CNRIP1: variants seen among roughly 807,000 people sequenced by gnomAD.
CNRIP1 encodes the protein CB1 cannabinoid receptor-interacting protein 1.
In CNRIP1, 10 loss-of-function variants were observed where a neutral mutation model predicts 15.2. That is an observed-to-expected ratio of 0.66 (90% CI 0.41 to 1.12). The LOEUF (loss-of-function observed/expected upper bound fraction) is 1.12. Among genes scored for constraint, CNRIP1 ranks in the 50% most tolerant of loss-of-function variants. The pLI is 0.00. For missense variants in CNRIP1, 211 were observed against 214.7 expected, an observed-to-expected ratio of 0.98 and a Z score of 0.11; for synonymous variants, 91 against 83.2, an observed-to-expected ratio of 1.09 and a Z score of -0.51.
chr2:68,291,814 G>C (rs776313012), downstream of CNRIP1, among the ~76,000 whole-genome samples: 1 of 150,630 alleles, frequency 6.6e-6, no homozygotes, highest in African/African-American at 2.5e-5. Context: ...GGGAGGTGGA[G>C]GTTGCAGTGA....
At position 68,303,110 on chromosome 2, in the gene CNRIP1, T is replaced by C. The variant is rs1387270598; in HGVS notation, c.331-9084A>G. Among the ~76,000 whole-genome samples the C allele has an allele frequency of 2.6e-5, 4 of 152,218 alleles. No homozygotes were observed. The East Asian group carries it at 7.7e-4, about 29-fold the overall frequency. On this transcript the variant is annotated intron_variant, in intron 2 of 2. Coordinates refer to ENST00000263655, the MANE Select transcript of CNRIP1 (RefSeq NM_015463.3). ...GATCCACCCGCCTTGGCCCCCAAAG[T>C]GCTGGGATTACAGGCGTGAGTCACC...
At chr2:68,318,012 TA>T (rs78781299) in intron 1 of CNRIP1, among the ~76,000 whole-genome samples, 5,973 of 134,956 alleles carry the variant, frequency 0.044, 346 homozygotes, top group African/African-American at 0.14. Flanking sequence ...AGGAATACTC[TA>T]AAAAAAAAAA....
intron 2 of CNRIP1, among the ~76,000 whole-genome samples, chr2:68,299,886 A>G (rs1671541206): frequency 1.3e-5 from 2 of 152,218 alleles, no homozygotes; most frequent in African/African-American, 4.8e-5. Flanking sequence ...CATGCCACCT[A>G]CTTCTACTGC....
intron 2 of CNRIP1, among the ~76,000 whole-genome samples, chr2:68,285,499 C>T (rs755353007): frequency 6.6e-6 from 1 of 151,764 alleles, no homozygotes; most frequent in Non-Finnish European, 1.5e-5. Context: ...CCCATCTCTA[C>T]AAAAATTAGC....
rs1357696810 is a variant in CNRIP1, at chr2:68,306,350, G to A, written c.330+10807C>T. ...AAAAAAAAAAAAAGGAAAAAAAAGA[G>A]TACCAGGATACTGTTTACCTCTAAT... On this transcript the variant is annotated intron_variant, in intron 2 of 2. Coordinates refer to ENST00000263655, the MANE Select transcript of CNRIP1 (RefSeq NM_015463.3). 6.6e-5 allele frequency among the ~76,000 whole-genome samples: 10 copies of A among 150,570 alleles called. No homozygotes were observed. In the South Asian group the frequency reaches 2.1e-3, roughly 32 times the overall value.
At chr2:68,310,863 CTG>C (rs998726919) in intron 2 of CNRIP1, among the ~76,000 whole-genome samples, 12 of 151,992 alleles carry the variant, frequency 7.9e-5, no homozygotes, top group African/African-American at 2.7e-4. Context: ...TCTTGAGAAA[CTG>C]AAACTATAAA....
At chr2:68,302,484 GTGAAA>G (rs1211196472) in intron 2 of CNRIP1, among the ~76,000 whole-genome samples, 1 of 152,190 alleles carries the variant, frequency 6.6e-6, no homozygotes, top group East Asian at 1.9e-4. Flanking sequence ...ACACTGCTCT[GTGAAA>G]TGGGGTTTGA....
Position 68,294,172 on chromosome 2 carries a change from T to C in CNRIP1, c.331-146A>G, listed in dbSNP as rs547638894. 9 of 742,648 alleles carry C rather than the reference T, an allele frequency of 1.2e-5. No homozygotes were observed. The South Asian group carries it at 1.5e-4, about 12-fold the overall frequency. 46.0% of individuals were successfully genotyped at this position (742,648 alleles called of 1,614,324 possible). A position where few individuals can be genotyped will look rare whatever the true frequency, so the allele number is the denominator to read the frequency against. ...CTGCAAGGCTCGGAAGGCTTTCCTT[T>C]AGTGGTCTAGCTCCCTCCTTTATGA... On this transcript the variant is annotated intron_variant, in intron 2 of 2. Transcript: ENST00000263655.
At chr2:68,286,779 A>G (rs1671041649) in intron 2 of CNRIP1, among the ~76,000 whole-genome samples, 1 of 152,204 alleles carries the variant, frequency 6.6e-6, no homozygotes, top group African/African-American at 2.4e-5. Flanking sequence ...TGTTGAAGTC[A>G]TACTGATTTG....
chr2:68,286,840 G>A (rs186696234), intron 2 of CNRIP1, among the ~76,000 whole-genome samples: 1 of 152,270 alleles, frequency 6.6e-6, no homozygotes, highest in Non-Finnish European at 1.5e-5. Context: ...CCTTGGGCAG[G>A]TAGCCTAACC....
At chr2:68,314,394 A>G (rs1211122601) in intron 2 of CNRIP1, among the ~76,000 whole-genome samples, 1 of 152,150 alleles carries the variant, frequency 6.6e-6, no homozygotes, top group Non-Finnish European at 1.5e-5. Context: ...AATAAGGTTT[A>G]GTATTTGGAA....
chr2:68,312,772 A>G (rs1672140779), intron 2 of CNRIP1, among the ~76,000 whole-genome samples: 1 of 152,158 alleles, frequency 6.6e-6, no homozygotes, highest in African/African-American at 2.4e-5. Context: ...TCAATATACA[A>G]AAAAAATCGA....
In CNRIP1 at chr2:68,319,729, A is replaced by T; in HGVS notation, c.-329T>A. The stretch of plus-strand genomic sequence containing the variant: ...CTCTGGCCCGCAGGCCGCCGCGCAG[A>T]TCCGCGCAGCTGGGGGCGAGGGAGT... On this transcript the variant is annotated 5_prime_UTR_variant, in exon 1 of 3. Transcript: ENST00000263655. The T allele has an allele frequency of 3.4e-6, 1 of 297,756 alleles. No homozygotes were observed. Among genetic ancestry groups the T allele is most frequent in the Non-Finnish European group, 6.3e-6 (1 of 158,016 alleles). 18.4% of individuals were successfully genotyped at this position (297,756 alleles called of 1,614,324 possible). A position where few individuals can be genotyped will look rare whatever the true frequency, so the allele number is the denominator to read the frequency against.
chr2:68,293,774 T>C lies in CNRIP1; in HGVS notation c.*88A>G. ...AGTACCAGATGGGGAACAGCAATGG[T>C]GTGGCATGCCTTGTTTAAGGCCTGC... On this transcript the variant is annotated 3_prime_UTR_variant, in exon 3 of 3. Transcript: ENST00000263655. 3 of 1,538,902 alleles carry C rather than the reference T, an allele frequency of 1.9e-6. No homozygotes were observed. Among genetic ancestry groups the C allele is most frequent in the Non-Finnish European group, 2.6e-6 (3 of 1,139,604 alleles).
rs1158826931 is a variant in CNRIP1, at chr2:68,297,011, C to T, written c.331-2985G>A. Among the ~76,000 whole-genome samples, 5 of 152,142 alleles carry T rather than the reference C, an allele frequency of 3.3e-5. No homozygotes were observed. The East Asian group carries it at 5.8e-4, about 18-fold the overall frequency. On this transcript the variant is annotated intron_variant, in intron 2 of 2. Coordinates refer to ENST00000263655, the MANE Select transcript of CNRIP1 (RefSeq NM_015463.3). ...TGAACTCCTGACCTCAAGTGATCCA[C>T]CAGCCTCGGCCTCTCAAAGCGCTGG... is the stretch of plus-strand genomic sequence containing the variant.
At position 68,293,908 on chromosome 2, in the gene CNRIP1, T is replaced by C. The variant is rs148723232; in HGVS notation, c.449A>G (p.Asn150Ser). 445 of 1,614,066 alleles carry C rather than the reference T, an allele frequency of 2.8e-4. 3 individuals are homozygous for C. In the East Asian group the frequency reaches 8.4e-3, roughly 30 times the overall value. The change falls in exon 3 of 3, where the codon AAC (asparagine) becomes AGC (serine). Residue 150 changes from asparagine (N) to serine (S), a missense_variant. Transcript: ENST00000263655. Reference sequence around the variant, plus strand: ...CACCCACATCAGACTGCGTGTCTCGTTGGGCTTGCATTCATACTCAATGAC... The same window carrying C: ...CACCCACATCAGACTGCGTGTCTCGCTGGGCTTGCATTCATACTCAATGAC... ...FSVIEYECKPNETRSLMWVNK... is the reference protein window; with the variant it reads ...FSVIEYECKPSETRSLMWVNK...
downstream of CNRIP1, among the ~76,000 whole-genome samples, chr2:68,288,062 C>T (rs562370448): frequency 5.4e-5 from 7 of 130,714 alleles, no homozygotes; most frequent in South Asian, 8.7e-4. Flanking sequence ...GGTTTGCAGC[C>T]GGCCGGCCAG....
At chr2:68,306,432 G>C (rs1671848650) in intron 2 of CNRIP1, among the ~76,000 whole-genome samples, 1 of 151,934 alleles carries the variant, frequency 6.6e-6, no homozygotes. Flanking sequence ...TCAATGAAAA[G>C]TGTATTCCAC....
chr2:68,284,406 T>A (rs1421074697), exon 3 of CNRIP1: 1 of 1,457,182 alleles, frequency 6.9e-7, no homozygotes, highest in East Asian at 2.6e-5. Context: ...TTCCTCATGA[T>A]GGCACACATT....
Sources: gnomAD v4.1 joint callset for allele counts (sites outside exome capture counted in the v4.1 genomes callset) on GRCh38, gnomAD v4.1.1 for gene constraint, MANE v1.5 for transcripts, NCBI Gene and HGNC (gene_info 2026-07-23, HGNC 2026-07-21) for gene names.